PPM1H: variants seen among roughly 807,000 people sequenced by gnomAD.
The protein encoded by PPM1H is protein phosphatase, Mg2+/Mn2+ dependent 1H.
PPM1H carries 27 observed loss-of-function variants against 54.9 expected under a neutral mutation model. That is an observed-to-expected ratio of 0.49 (90% confidence interval 0.36 to 0.68). The LOEUF (loss-of-function observed/expected upper bound fraction) is 0.68, where lower values mean the gene tolerates loss of function less well. Among genes scored for constraint, PPM1H ranks in the 30% least tolerant of loss-of-function variants. The probability of loss-of-function intolerance (pLI) is 0.00; values close to 1 mark genes in which losing one functional copy is unlikely to be tolerated. For synonymous variants in PPM1H, 305 were observed against 270.8 expected (o/e 1.13, Z -1.24); for missense variants, 596 against 667.8 (o/e 0.89, Z 1.19).
chr12:62,893,424 G>A (rs1370022337), intron 1 of PPM1H, among the ~76,000 whole-genome samples: 1 of 152,070 alleles, frequency 6.6e-6, no homozygotes, highest in Non-Finnish European at 1.5e-5. Flanking sequence ...CAGTCATATT[G>A]AGTCATAATG....
At chr12:62,906,165 T>G (rs1171523755) in intron 1 of PPM1H, among the ~76,000 whole-genome samples, 1 of 152,176 alleles carries the variant, frequency 6.6e-6, no homozygotes, top group African/African-American at 2.4e-5. Flanking sequence ...CAATAAAGTT[T>G]CTGTAATTGT....
intron 3 of PPM1H, among the ~76,000 whole-genome samples, chr12:62,801,468 C>T (rs533449501): frequency 7.2e-5 from 11 of 152,304 alleles, no homozygotes; most frequent in Admixed American, 2.0e-4. Flanking sequence ...CAGGCAACGG[C>T]CATCATGCCC....
At chr12:62,694,938 C>T (rs2136642636) in intron 6 of PPM1H, among the ~76,000 whole-genome samples, 1 of 152,288 alleles carries the variant, frequency 6.6e-6, no homozygotes, top group East Asian at 1.9e-4. Context: ...TAACACTGCT[C>T]ATAACTTCAA....
intron 1 of PPM1H, among the ~76,000 whole-genome samples, chr12:62,842,507 T>C (rs998746046): frequency 6.6e-6 from 1 of 152,306 alleles, no homozygotes; most frequent in East Asian, 1.9e-4. Flanking sequence ...ATAAAACATA[T>C]ACATTTTTAA....
At chr12:62,776,825 G>A (rs1363946358) in intron 4 of PPM1H, among the ~76,000 whole-genome samples, 1 of 152,154 alleles carries the variant, frequency 6.6e-6, no homozygotes, top group Admixed American at 6.5e-5. Flanking sequence ...GCTTAAACAA[G>A]ACAGGATAGA....
intron 9 of PPM1H, among the ~76,000 whole-genome samples, chr12:62,657,482 T>C (rs887169166): frequency 6.6e-6 from 1 of 152,178 alleles, no homozygotes; most frequent in Non-Finnish European, 1.5e-5. Flanking sequence ...GACCTCAGGC[T>C]GATTTCTGAA....
intron 5 of PPM1H, among the ~76,000 whole-genome samples, chr12:62,732,575 GTT>G (rs752751007): frequency 1.4e-5 from 2 of 141,916 alleles, no homozygotes; most frequent in Admixed American, 7.1e-5. Flanking sequence ...TTTGTTTTCG[GTT>G]TTTTTTTTTT....
At chr12:62,915,820 T>A (rs1393016798) in intron 1 of PPM1H, among the ~76,000 whole-genome samples, 1 of 152,176 alleles carries the variant, frequency 6.6e-6, no homozygotes, top group African/African-American at 2.4e-5. Flanking sequence ...AGGCTCCACG[T>A]GGGGATTCTG....
In PPM1H at chr12:62,934,475, G is replaced by T. The variant is rs1872255732; in HGVS notation, c.245+17C>A. Reference sequence around the variant, plus strand: ...CCGCGAGGAGAGCAGGGGCGCCGCCGGTGTCGCTGCACTCACTCTGCGTAG... The same window carrying T: ...CCGCGAGGAGAGCAGGGGCGCCGCCTGTGTCGCTGCACTCACTCTGCGTAG... On this transcript the variant is annotated intron_variant, in intron 1 of 9. Coordinates refer to ENST00000228705, the MANE Select transcript of PPM1H (RefSeq NM_020700.2). The surrounding 1 kb of genome is among the most constrained non-coding windows in gnomAD (Gnocchi z 4.2). 6.5e-7 allele frequency: 1 copy of T among 1,530,250 alleles called. No homozygotes were observed. 94.8% of individuals were successfully genotyped at this position (1,530,250 alleles called of 1,614,324 possible). A position where few individuals can be genotyped will look rare whatever the true frequency, so the allele number is the denominator to read the frequency against.
intron 1 of PPM1H, among the ~76,000 whole-genome samples, chr12:62,849,269 C>T (rs996284796): frequency 1.3e-5 from 2 of 152,172 alleles, no homozygotes; most frequent in African/African-American, 4.8e-5. Context: ...TTACAACACA[C>T]TTTTACTAGA....
At chr12:62,799,254 T>C (rs2076752398) in intron 3 of PPM1H, among the ~76,000 whole-genome samples, 1 of 152,214 alleles carries the variant, frequency 6.6e-6, no homozygotes, top group African/African-American at 2.4e-5. Context: ...AGAGCAACCC[T>C]GAGCCATTAA....
At chr12:62,764,245 C>T (rs342152) in intron 4 of PPM1H, among the ~76,000 whole-genome samples, 53,857 of 151,930 alleles carry the variant, frequency 0.35, 9,721 homozygotes, top group Middle Eastern at 0.47. Flanking sequence ...GTGGAGGCAC[C>T]GTCTAGGGAC....
Position 62,788,323 on chromosome 12 carries a change from G to A in PPM1H, c.772C>T (p.Arg258Ter), listed in dbSNP as rs761192541. 6.4e-7 allele frequency: 1 copy of A among 1,570,662 alleles called. No individual in the cohort carries two copies. The highest frequency in any genetic ancestry group is 8.7e-7 in the Non-Finnish European group (1 of 1,154,690). ...GATATATTATATGAACTCCTCTCTC[G>A]TTCTATCTGTAGGTCCTGGAGAATA... The part of the protein sequence containing the change: ...AFKEMDLQIE[R>*]ERSSYNISGG... The change falls in exon 4 of 10, where the codon CGA becomes TGA. Residue 258 changes from arginine (R) to a stop codon, truncating the protein, a stop_gained. Coordinates refer to ENST00000228705, the MANE Select transcript of PPM1H (RefSeq NM_020700.2). LOFTEE classifies it high-confidence loss of function.
chr12:62,692,932 G>GACACACACACACACACACACACACACAC lies in PPM1H; in HGVS notation c.1137+976_1137+1003dup, dbSNP rs71278272. ...ATGTTTGTTCTCTTGCTTTTGCTCT[G>GACACACACACACACACACACACACACAC]ACACACACACACACACACACACACA... is the stretch of plus-strand genomic sequence containing the variant. On this transcript the variant is annotated intron_variant, in intron 7 of 9. Coordinates refer to ENST00000228705, the MANE Select transcript of PPM1H (RefSeq NM_020700.2). Among the ~76,000 whole-genome samples, 390 of 146,782 alleles carry GACACACACACACACACACACACACACAC rather than the reference G, an allele frequency of 2.7e-3. 5 individuals carry two copies. Among genetic ancestry groups the GACACACACACACACACACACACACACAC allele is most frequent in the African/African-American group, 9.5e-3 (370 of 39,040 alleles).
intron 4 of PPM1H, among the ~76,000 whole-genome samples, chr12:62,777,358 C>T (rs1442404178): frequency 6.6e-6 from 1 of 152,158 alleles, no homozygotes; most frequent in Non-Finnish European, 1.5e-5. Context: ...CCTGGGCTGA[C>T]TACAAGTAGA....
At chr12:62,925,253 C>T (rs1175609450) in intron 1 of PPM1H, among the ~76,000 whole-genome samples, 1 of 152,072 alleles carries the variant, frequency 6.6e-6, no homozygotes. Flanking sequence ...CCCTACCTGC[C>T]TAGACAAATG....
At chr12:62,760,994 C>G (rs2076505487) in intron 4 of PPM1H, among the ~76,000 whole-genome samples, 1 of 152,068 alleles carries the variant, frequency 6.6e-6, no homozygotes, top group African/African-American at 2.4e-5. Context: ...GTGCAAACAC[C>G]AGGGTGTACA....
intron 8 of PPM1H, among the ~76,000 whole-genome samples, chr12:62,671,110 G>A (rs2075954076): frequency 6.6e-6 from 1 of 151,978 alleles, no homozygotes; most frequent in Non-Finnish European, 1.5e-5. Flanking sequence ...TTACTCAATC[G>A]AACCATACCC....
intron 9 of PPM1H, among the ~76,000 whole-genome samples, chr12:62,660,292 C>T (rs1413870476): frequency 6.6e-6 from 1 of 152,156 alleles, no homozygotes; most frequent in Non-Finnish European, 1.5e-5. Context: ...AACACTGTTT[C>T]ACATATTCCT....
Sources: allele counts gnomAD v4.1 joint callset (sites outside exome capture counted in the v4.1 genomes callset), GRCh38; gene constraint gnomAD v4.1.1; non-coding constraint Gnocchi (gnomAD v3.1); transcripts MANE v1.5; gene names NCBI Gene and HGNC (gene_info 2026-07-23, HGNC 2026-07-21).